The following LMO7 variants were observed in gnomAD, a reference collection of about 807,000 sequenced individuals.
LMO7 encodes LIM domain only protein 7.
Under a neutral mutation model 206.5 loss-of-function variants are expected in LMO7, and 120 were observed. The observed-to-expected ratio is 0.58, with a 90% CI of 0.50 to 0.68. The LOEUF (loss-of-function observed/expected upper bound fraction) is 0.68. Among genes scored for constraint, LMO7 ranks in the 30% least tolerant of loss-of-function variants. LMO7 has a pLI of 0.00. For missense variants in LMO7, 1,959 were observed against 1,957.9 expected (o/e 1.00, Z -0.01); for synonymous variants, 706 against 681.5 (o/e 1.04, Z -0.56).
At position 75,831,545 on chromosome 13, in the gene LMO7, T is replaced by C. The variant is rs141828848; in HGVS notation, c.2950-1506T>C. Reference sequence around the variant, plus strand: ...AAGAGGAGGTTTATTTGGCTCATGGTTCTGGTGGCTGGAAAGTCCAAGAGC... The same window carrying C: ...AAGAGGAGGTTTATTTGGCTCATGGCTCTGGTGGCTGGAAAGTCCAAGAGC... On this transcript the variant is annotated intron_variant, in intron 15 of 30. Transcript: ENST00000377534. Among the ~76,000 whole-genome samples the C allele has an allele frequency of 6.6e-3, 1,011 of 152,300 alleles. 9 individuals are homozygous for C. The highest frequency in any genetic ancestry group is 0.02 in the African/African-American group (827 of 41,570).
At chr13:75,855,453 G>A in intron 29 of LMO7, 85 bp downstream of exon 29, 2 of 741,240 alleles carry the variant, frequency 2.7e-6, no homozygotes, top group Non-Finnish European at 2.3e-6. Context: ...GTGTAGATGT[G>A]CCACTAACAA....
intron 8 of LMO7, chr13:75,804,871 A>C: frequency 4.8e-6 from 5 of 1,036,818 alleles, no homozygotes; most frequent in Non-Finnish European, 5.8e-6. Flanking sequence ...CTTAGTGGAC[A>C]TGAAAAGAAT....
intron 11 of LMO7, among the ~76,000 whole-genome samples, chr13:75,813,618 T>C (rs997951779): frequency 9.2e-5 from 14 of 152,126 alleles, no homozygotes; most frequent in African/African-American, 3.4e-4. Flanking sequence ...CACAGGGACT[T>C]GTCTACTCCA....
intron 1 of LMO7, among the ~76,000 whole-genome samples, chr13:75,655,670 T>C (rs1286685432): frequency 2.6e-5 from 1 of 38,256 alleles, no homozygotes. Flanking sequence ...TATATATATA[T>C]ATATATATAT....
At chr13:75,633,621 G>C (rs2035297002), upstream of LMO7, among the ~76,000 whole-genome samples, 1 of 152,136 alleles carries the variant, frequency 6.6e-6, no homozygotes, top group Admixed American at 6.6e-5. Flanking sequence ...CAAAAAAAGG[G>C]GGAGTGTGGA....
intron 15 of LMO7, among the ~76,000 whole-genome samples, chr13:75,831,861 G>A (rs1441247245): frequency 6.6e-6 from 1 of 152,088 alleles, no homozygotes; most frequent in Non-Finnish European, 1.5e-5. Flanking sequence ...AGTTTTGGTG[G>A]CGACAAATCA....
At chr13:75,788,487 C>T (rs2052772709) in intron 4 of LMO7, among the ~76,000 whole-genome samples, 1 of 150,136 alleles carries the variant, frequency 6.7e-6, no homozygotes, top group Non-Finnish European at 1.5e-5. Flanking sequence ...ACTGCTCTGT[C>T]CTCAGAAGAA....
At chr13:75,668,260 T>C (rs1350374231) in intron 1 of LMO7, among the ~76,000 whole-genome samples, 3 of 152,194 alleles carry the variant, frequency 2.0e-5, no homozygotes. Flanking sequence ...TTACCTGGAC[T>C]CAAACTGCAA....
Position 75,661,384 on chromosome 13 carries a change from CT to C in LMO7, c.69+24661del, listed in dbSNP as rs540562597. The stretch of plus-strand genomic sequence containing the variant: ...ATCTATGAAAATGCTTTGTAGACTG[CT>C]TTATGTGACCATGAGCAAGTTACAG... On this transcript the variant is annotated intron_variant, in intron 1 of 30. Coordinates refer to ENST00000377534, the MANE Select transcript of LMO7 (RefSeq NM_001306080.2). 1.2e-4 allele frequency among the ~76,000 whole-genome samples: 19 copies of C among 152,310 alleles called. 1 individual carries two copies. In the South Asian group the frequency reaches 3.7e-3, roughly 30 times the overall value.
At chr13:75,711,686 C>G (rs549580052) in intron 1 of LMO7, among the ~76,000 whole-genome samples, 1 of 152,204 alleles carries the variant, frequency 6.6e-6, no homozygotes, top group African/African-American at 2.4e-5. Context: ...AGAAATCACC[C>G]GTCTTCTGCG....
At chr13:75,737,863 A>AAC (rs1566372815) in intron 3 of LMO7, among the ~76,000 whole-genome samples, 8 of 147,310 alleles carry the variant, frequency 5.4e-5, no homozygotes, top group East Asian at 2.0e-4. Flanking sequence ...AAAAAAAAAA[A>AAC]ACACAGTACA....
In LMO7 at chr13:75,841,169, G is replaced by T. The variant is rs140649255; in HGVS notation, c.3643G>T (p.Ala1215Ser). 1 of 1,613,158 alleles carries T rather than the reference G, an allele frequency of 6.2e-7. No homozygotes were observed. The highest frequency in any genetic ancestry group is 8.5e-7 in the Non-Finnish European group (1 of 1,179,232). ...REEWQRAKQE[A>S]ERENSKYLDE... is the part of the protein sequence containing the mutation. ...AGAGTGGCAAAGGGCCAAACAGGAG[G>T]CAGAGAGAGAGAATTCCAAGTACTT... The change falls in exon 23 of 31, where the codon GCA (alanine) becomes TCA (serine). Residue 1215 changes from alanine to serine, a missense_variant. Ala to Ser is a moderately conservative substitution (Grantham distance 99, BLOSUM62 1). Transcript: ENST00000377534.
At chr13:75,628,783 C>T (rs545647083) in intron 2 of LMO7, among the ~76,000 whole-genome samples, 1 of 152,286 alleles carries the variant, frequency 6.6e-6, no homozygotes, top group Non-Finnish European at 1.5e-5. Context: ...CTCTTATAAT[C>T]TTTGTCCACA....
At chr13:75,845,206 C>A in intron 25 of LMO7, 121 bp from the exon 26 acceptor site, 1 of 512,444 alleles carries the variant, frequency 2.0e-6, no homozygotes. Flanking sequence ...TAATTGCTCT[C>A]AGCAGACACA....
At chr13:75,779,621 T>C (rs1186314126) in intron 4 of LMO7, among the ~76,000 whole-genome samples, 1 of 152,186 alleles carries the variant, frequency 6.6e-6, no homozygotes, top group Admixed American at 6.5e-5. Context: ...AAGTGTTATA[T>C]GGAAGGCTAA....
At chr13:75,769,253 T>C (rs987556125) in intron 4 of LMO7, among the ~76,000 whole-genome samples, 9 of 152,130 alleles carry the variant, frequency 5.9e-5, no homozygotes, top group Middle Eastern at 3.4e-3. Context: ...CCTGGTATGG[T>C]TTCTGTCATG....
intron 1 of LMO7, among the ~76,000 whole-genome samples, chr13:75,696,037 G>A (rs1039884501): frequency 6.6e-6 from 1 of 152,168 alleles, no homozygotes; most frequent in African/African-American, 2.4e-5. Flanking sequence ...CTGATTTCAT[G>A]CCTGATTTCC....
chr13:75,754,741 A>T (rs2047540274), intron 3 of LMO7, among the ~76,000 whole-genome samples: 1 of 152,222 alleles, frequency 6.6e-6, no homozygotes, highest in Admixed American at 6.5e-5. Context: ...CTATAATGAT[A>T]TGAAAATATG....
At chr13:75,767,148 G>A (rs2049009780) in intron 4 of LMO7, among the ~76,000 whole-genome samples, 1 of 152,086 alleles carries the variant, frequency 6.6e-6, no homozygotes, top group Admixed American at 6.6e-5. Flanking sequence ...TTTCAAGGTA[G>A]TTCAAAGTTT....
Sources: gnomAD v4.1 joint callset for allele counts (sites outside exome capture counted in the v4.1 genomes callset) on GRCh38, gnomAD v4.1.1 for gene constraint, MANE v1.5 for transcripts, NCBI Gene and HGNC (gene_info 2026-07-23, HGNC 2026-07-21) for gene names.